GRIA2: variants seen among roughly 807,000 people sequenced by gnomAD.
GRIA2 encodes glutamate ionotropic receptor AMPA type subunit 2.
In GRIA2, 14 loss-of-function variants were observed where a neutral mutation model predicts 97.3. The observed-to-expected ratio is 0.14, with a 90% CI of 0.10 to 0.23. The LOEUF is 0.23. GRIA2 is among the 10% of genes least tolerant of loss of function. GRIA2 has a pLI of 1.00. For missense variants in GRIA2, 558 were observed against 1,069.8 expected (o/e 0.52, Z 6.67); for synonymous variants, 412 against 387.8 (o/e 1.06, Z -0.73).
intron 2 of GRIA2, among the ~76,000 whole-genome samples, chr4:157,297,897 T>C (rs965800559): frequency 2.0e-5 from 3 of 152,024 alleles, no homozygotes; most frequent in Admixed American, 6.6e-5. Flanking sequence ...AATACATTAT[T>C]GAAAAATTAA....
intron 12 of GRIA2, among the ~76,000 whole-genome samples, chr4:157,358,868 G>T (rs1736510919): frequency 6.6e-6 from 1 of 152,118 alleles, no homozygotes; most frequent in South Asian, 2.1e-4. Context: ...TAAGGTAAAA[G>T]TTATATTTTT....
chr4:157,298,620 T>G (rs1733466699), intron 2 of GRIA2, among the ~76,000 whole-genome samples: 1 of 142,986 alleles, frequency 7.0e-6, no homozygotes, highest in Non-Finnish European at 1.5e-5. Flanking sequence ...GCTTTTTTTT[T>G]TTTTTTTTTT....
chr4:157,231,332 C>T (rs1730009920), intron 2 of GRIA2, among the ~76,000 whole-genome samples: 1 of 152,162 alleles, frequency 6.6e-6, no homozygotes, highest in African/African-American at 2.4e-5. Flanking sequence ...AGCCACCATG[C>T]CTGGTCGCAA....
At chr4:157,273,986 C>G (rs1414710507) in intron 2 of GRIA2, among the ~76,000 whole-genome samples, 1 of 151,990 alleles carries the variant, frequency 6.6e-6, no homozygotes, top group Non-Finnish European at 1.5e-5. Context: ...GGAAAAATAT[C>G]TCACCTATAG....
chr4:157,238,154 CTATT>C, intron 2 of GRIA2, among the ~76,000 whole-genome samples: 1 of 152,182 alleles, frequency 6.6e-6, no homozygotes, highest in East Asian at 1.9e-4. Flanking sequence ...AAATATCAAG[CTATT>C]TATAACATAA....
intron 12 of GRIA2, among the ~76,000 whole-genome samples, chr4:157,346,872 G>A (rs1735786751): frequency 6.6e-6 from 1 of 151,992 alleles, no homozygotes; most frequent in Admixed American, 6.6e-5. Context: ...TTCCTCTCTG[G>A]TTGGCAGTTT....
chr4:157,355,788 TA>T, intron 12 of GRIA2, among the ~76,000 whole-genome samples: 1 of 97,772 alleles, frequency 1.0e-5, no homozygotes. Flanking sequence ...TATTTATATA[TA>T]TTAGTTATAT....
At position 157,366,056 on chromosome 4, in the gene GRIA2, A is replaced by G. The variant is rs1462533239; in HGVS notation, c.*2625A>G. The G allele has an allele frequency of 6.6e-6, 1 of 151,414 alleles. No homozygotes were observed. The highest frequency in any genetic ancestry group is 6.6e-5 in the Admixed American group (1 of 15,132). 9.4% of individuals were successfully genotyped at this position (151,414 alleles called of 1,614,324 possible). A position where few individuals can be genotyped will look rare whatever the true frequency, so the allele number is the denominator to read the frequency against. ...TAAAAACTTCAATCATACATAAAAC[A>G]TGTTCTTACAAAAGGCAAAGATCTT... On this transcript the variant is annotated 3_prime_UTR_variant, in exon 16 of 16. Transcript: ENST00000264426.
intron 11 of GRIA2, among the ~76,000 whole-genome samples, chr4:157,337,799 C>A (rs1253216581): frequency 2.0e-5 from 3 of 151,308 alleles, no homozygotes. Flanking sequence ...GGAAATACAT[C>A]ATGTAGCCAG....
At position 157,337,370 on chromosome 4, in the gene GRIA2, T is replaced by A. The variant is rs1469743544; in HGVS notation, c.1844+623T>A. Among the ~76,000 whole-genome samples the A allele has an allele frequency of 9.9e-5, 15 of 152,214 alleles. No homozygotes were observed. In the South Asian group the frequency reaches 3.1e-3, roughly 32 times the overall value. ...CACACACACATGGAATAAACTCACC[T>A]ACCTTTAATCTCATTATGATATGTT... On this transcript the variant is annotated intron_variant, in intron 11 of 15. Coordinates refer to ENST00000264426, the MANE Select transcript of GRIA2 (RefSeq NM_001083619.3).
chr4:157,336,273 AT>A, intron 10 of GRIA2, 103 bp from the exon 11 acceptor site: 1 of 959,688 alleles, frequency 1.0e-6, no homozygotes. Flanking sequence ...AATTATTGTC[AT>A]TTTTCTGATT....
chr4:157,313,016 T>C (rs901347496), intron 4 of GRIA2, 141 bp downstream of exon 4: 5 of 470,630 alleles, frequency 1.1e-5, no homozygotes, highest in African/African-American at 6.0e-5. Flanking sequence ...AGATCATCAA[T>C]TAAATTATCT....
intron 11 of GRIA2, among the ~76,000 whole-genome samples, chr4:157,340,489 G>T (rs1208027954): frequency 6.6e-6 from 1 of 151,826 alleles, no homozygotes; most frequent in East Asian, 1.9e-4. Context: ...TTTGTAGTCA[G>T]AAAAATATTG....
chr4:157,341,374 C>T lies in GRIA2; in HGVS notation c.1955C>T (p.Ser652Phe). 1 of 1,611,780 alleles carries T rather than the reference C, an allele frequency of 6.2e-7. No individual in the cohort carries two copies. Among genetic ancestry groups the T allele is most frequent in the Non-Finnish European group, 8.5e-7 (1 of 1,178,054 alleles). Residue 652 changes from serine (S) to phenylalanine (F), a missense_variant, in exon 12 of 16, where the codon TCT (serine) becomes TTT (phenylalanine). By Grantham distance (155) the Ser-to-Phe change is radical. This residue lies in a region of GRIA2 where 125 missense variants were observed against 310.2 expected (regional missense o/e 0.40). Coordinates refer to ENST00000264426, the MANE Select transcript of GRIA2 (RefSeq NM_001083619.3). ...TTCCTGACTGTAGAGAGGATGGTGT[C>T]TCCCATCGAAAGTGCTGAGGATCTT... Reference protein sequence around the residue: ...AAFLTVERMVSPIESAEDLSK... With the variant: ...AAFLTVERMVFPIESAEDLSK...
At chr4:157,263,440 C>A (rs770818024) in intron 2 of GRIA2, among the ~76,000 whole-genome samples, 1 of 151,662 alleles carries the variant, frequency 6.6e-6, no homozygotes, top group Non-Finnish European at 1.5e-5. Flanking sequence ...AACAGTATAC[C>A]AAAAAATCCA....
At chr4:157,308,799 T>G (rs2126877885) in intron 3 of GRIA2, among the ~76,000 whole-genome samples, 1 of 152,352 alleles carries the variant, frequency 6.6e-6, no homozygotes, top group Non-Finnish European at 1.5e-5. Context: ...CTTTCTCCTG[T>G]AATTGAATAC....
chr4:157,312,632 G>A, intron 3 of GRIA2, 47 bp from the exon 4 acceptor site: 1 of 1,048,154 alleles, frequency 9.5e-7, no homozygotes, highest in Non-Finnish European at 1.4e-6. Context: ...ACAATCCTGA[G>A]TTATTCACGT....
chr4:157,333,148 A>T (rs544927349), intron 7 of GRIA2, 101 bp from the exon 8 acceptor site: 1 of 902,656 alleles, frequency 1.1e-6, no homozygotes, highest in Non-Finnish European at 1.7e-6. Flanking sequence ...AATATTATTG[A>T]TGTAGTTTTC....
rs768626790 is a variant in GRIA2 at position 157,332,941 on chromosome 4, A to C, written c.1005A>C (p.Ala335=). 2 of 1,612,514 alleles carry C rather than the reference A, an allele frequency of 1.2e-6. No individual in the cohort carries two copies. Among genetic ancestry groups the C allele is most frequent in the Non-Finnish European group, 1.7e-6 (2 of 1,178,986 alleles). The change falls in exon 7 of 16, where the codon GCA becomes GCC. Residue 335 remains alanine (A), a synonymous_variant. Coordinates refer to ENST00000264426, the MANE Select transcript of GRIA2 (RefSeq NM_001083619.3). ...CAGGAGACTGTCTGGCAAACCCAGC[A>C]GTGCCCTGGGGACAAGGTGTAGAAA... ...GNAGDCLANP[A]VPWGQGVEIE...
Sources: allele counts gnomAD v4.1 joint callset (sites outside exome capture counted in the v4.1 genomes callset), GRCh38; gene constraint gnomAD v4.1.1; regional missense constraint gnomAD v4.1.1; transcripts MANE v1.5; gene names NCBI Gene and HGNC (gene_info 2026-07-23, HGNC 2026-07-21).